ABCE1: variants seen among roughly 807,000 people sequenced by gnomAD.
ABCE1 encodes the protein ATP-binding cassette sub-family E member 1.
In ABCE1, 22 loss-of-function variants were observed where a neutral mutation model predicts 83.4. The observed-to-expected ratio is 0.26, with a 90% CI of 0.19 to 0.38. ABCE1 has a LOEUF of 0.38. ABCE1 is among the 10% of genes least tolerant of loss of function. The probability of loss-of-function intolerance (pLI) is 1.00; values close to 1 mark genes in which losing one functional copy is unlikely to be tolerated. For missense variants in ABCE1, 330 were observed against 721.9 expected, an observed-to-expected ratio of 0.46 and a Z score of 6.22; for synonymous variants, 204 against 233.7, an observed-to-expected ratio of 0.87 and a Z score of 1.16.
intron 8 of ABCE1, among the ~76,000 whole-genome samples, chr4:145,111,578 C>T (rs556172306): frequency 2.9e-4 from 44 of 152,284 alleles, no homozygotes; most frequent in Admixed American, 3.9e-4. Context: ...CCACCCACCT[C>T]GGCCTCCCAA....
rs1749426478 is a variant in ABCE1 at position 145,110,096 on chromosome 4, T to G, written c.406-7T>G. The G allele has an allele frequency of 9.0e-6, 14 of 1,552,836 alleles. No homozygotes were observed. The highest frequency in any genetic ancestry group is 1.0e-5 in the Non-Finnish European group (12 of 1,157,524). On this transcript the variant is annotated splice_polypyrimidine_tract_variant and splice_region_variant and intron_variant, in intron 5 of 17. Coordinates refer to ENST00000296577, the MANE Select transcript of ABCE1 (RefSeq NM_002940.3). ...CACATGATTCTGTATTTTTTTTTTT[T>G]TTTTAGGATCCTCCTGACTGGCAGG...
chr4:145,127,572 AGACT>A lies in ABCE1; in HGVS notation c.*4_*7del. On this transcript the variant is annotated stop_retained_variant and 3_prime_UTR_variant, in exon 18 of 18. Coordinates refer to ENST00000296577, the MANE Select transcript of ABCE1 (RefSeq NM_002940.3). ...GGAAACTACTTTTTCTTGGATGATTAGACTGACTCTGAGAATATTGATAAGCCAT... is the reference window on the plus strand; with the variant it reads ...GGAAACTACTTTTTCTTGGATGATTAGACTCTGAGAATATTGATAAGCCAT... 1 of 1,565,032 alleles carries A rather than the reference AGACT, an allele frequency of 6.4e-7. No homozygotes were observed. The highest frequency in any genetic ancestry group is 1.2e-5 in the South Asian group (1 of 81,786).
chr4:145,108,398 C>T (rs762887353), intron 4 of ABCE1, among the ~76,000 whole-genome samples: 1 of 152,130 alleles, frequency 6.6e-6, no homozygotes, highest in Non-Finnish European at 1.5e-5. Context: ...TCCCAGGTGA[C>T]TCTAATATAC....
intron 4 of ABCE1, among the ~76,000 whole-genome samples, chr4:145,108,327 G>T (rs911291097): frequency 1.3e-5 from 2 of 152,140 alleles, no homozygotes; most frequent in African/African-American, 4.8e-5. Flanking sequence ...AGCTACTAAT[G>T]CCCAGGTTTC....
At chr4:145,120,245 T>G (rs940642366) in intron 11 of ABCE1, 92 bp downstream of exon 11, 1 of 1,095,492 alleles carries the variant, frequency 9.1e-7, no homozygotes, top group African/African-American at 1.6e-5. Flanking sequence ...AATCATATGT[T>G]ATAGGGCTAG....
chr4:145,121,418 C>T (rs901560064), intron 13 of ABCE1, 27 bp downstream of exon 13: 1 of 1,568,784 alleles, frequency 6.4e-7, no homozygotes, highest in Admixed American at 1.7e-5. Context: ...TATATGGTTA[C>T]TAAAGAAAAT....
At chr4:145,116,408 G>A (rs1579218365) in intron 9 of ABCE1, among the ~76,000 whole-genome samples, 3 of 151,784 alleles carry the variant, frequency 2.0e-5, no homozygotes, top group African/African-American at 7.2e-5. Context: ...TTGTTGAGAA[G>A]GAATTCACAG....
chr4:145,126,049 C>T (rs1359606194), intron 17 of ABCE1, among the ~76,000 whole-genome samples: 3 of 151,878 alleles, frequency 2.0e-5, no homozygotes, highest in Admixed American at 6.6e-5. Context: ...CCTGCCCCCG[C>T]CCCCGCAACC....
intron 5 of ABCE1, 40 bp from the exon 6 acceptor site, chr4:145,110,063 A>C (rs2126704151): frequency 6.7e-7 from 1 of 1,484,966 alleles, no homozygotes; most frequent in African/African-American, 1.4e-5. Context: ...TCATTGTATT[A>C]TTAAATTCAC....
At chr4:145,099,152 A>G (rs1025948701) in intron 1 of ABCE1, among the ~76,000 whole-genome samples, 2 of 152,146 alleles carry the variant, frequency 1.3e-5, no homozygotes, top group Non-Finnish European at 1.5e-5. Flanking sequence ...GAATACCTTT[A>G]TTATCTCTTC....
intron 13 of ABCE1, chr4:145,121,895 T>G (rs968842250): frequency 6.6e-6 from 1 of 152,248 alleles, no homozygotes; most frequent in Non-Finnish European, 1.5e-5. Context: ...AAAATAAAGA[T>G]GTTTGTCATC....
At chr4:145,117,570 A>G (rs578022863) in intron 10 of ABCE1, among the ~76,000 whole-genome samples, 156 bp downstream of exon 10, 78 of 152,000 alleles carry the variant, frequency 5.1e-4, no homozygotes, top group African/African-American at 1.9e-3. Flanking sequence ...GGTTATATAT[A>G]TCAGTTGTTA....
chr4:145,106,207 G>C (rs1235906257), intron 3 of ABCE1, among the ~76,000 whole-genome samples: 2 of 151,896 alleles, frequency 1.3e-5, no homozygotes, highest in East Asian at 3.9e-4. Context: ...TCCAACTTTA[G>C]TTCATAAAAG....
chr4:145,116,420 C>CT (rs138961563), intron 9 of ABCE1, among the ~76,000 whole-genome samples: 14 of 151,924 alleles, frequency 9.2e-5, no homozygotes, highest in Middle Eastern at 3.4e-3. Context: ...AATTCACAGA[C>CT]TTTAACAGTT....
intron 2 of ABCE1, among the ~76,000 whole-genome samples, chr4:145,105,060 T>G (rs1322410895): frequency 1.3e-5 from 2 of 152,068 alleles, no homozygotes; most frequent in Non-Finnish European, 2.9e-5. Context: ...AATTACTGAC[T>G]CTTAGAATTA....
intron 1 of ABCE1, among the ~76,000 whole-genome samples, chr4:145,101,071 A>AT (rs905460980): frequency 4.0e-5 from 6 of 151,100 alleles, no homozygotes; most frequent in African/African-American, 1.2e-4. Context: ...ATATATAAAA[A>AT]AAATATATAT....
At chr4:145,105,475 C>T in intron 2 of ABCE1, 130 bp from the exon 3 acceptor site, 1 of 599,766 alleles carries the variant, frequency 1.7e-6, no homozygotes, top group South Asian at 2.3e-5. Context: ...AAATGTATTT[C>T]TTTGTGTGGC....
intron 16 of ABCE1, among the ~76,000 whole-genome samples, chr4:145,124,469 T>C (rs1395178476): frequency 6.6e-6 from 1 of 152,118 alleles, no homozygotes; most frequent in East Asian, 1.9e-4. Context: ...ATTTACAAAA[T>C]TTTAAAATGT....
rs2126718839 is a variant in ABCE1, at chr4:145,128,813, A to G, written c.*1240A>G. 1 of 152,354 alleles carries G rather than the reference A, an allele frequency of 6.6e-6. No homozygotes were observed. 9.4% of individuals were successfully genotyped at this position (152,354 alleles called of 1,614,324 possible). On this transcript the variant is annotated 3_prime_UTR_variant, in exon 18 of 18. Coordinates refer to ENST00000296577, the MANE Select transcript of ABCE1 (RefSeq NM_002940.3). The stretch of plus-strand genomic sequence containing the variant: ...GCTACTTGAAATAACAGAAGTCTTG[A>G]TTAATATGCAAATAATGGCTAGAAA...
Sources: allele counts gnomAD v4.1 joint callset (sites outside exome capture counted in the v4.1 genomes callset), GRCh38; gene constraint gnomAD v4.1.1; transcripts MANE v1.5; gene names NCBI Gene and HGNC (gene_info 2026-07-23, HGNC 2026-07-21).